Variants in ZHX2 observed in about 807,000 individuals in gnomAD.
The protein encoded by ZHX2 is zinc fingers and homeoboxes protein 2.
Under a neutral mutation model 21.9 loss-of-function variants are expected in ZHX2, and 6 were observed. That is an observed-to-expected ratio of 0.27 (90% confidence interval 0.15 to 0.54). The LOEUF (loss-of-function observed/expected upper bound fraction) is 0.54. Ranked by LOEUF, ZHX2 falls within the 20% of genes least tolerant of loss-of-function variation. ZHX2 has a pLI of 0.95. For synonymous variants in ZHX2, 434 were observed against 437.1 expected (o/e 0.99, Z 0.09); for missense variants, 908 against 1,090.7 (o/e 0.83, Z 2.36).
intron 2 of ZHX2, among the ~76,000 whole-genome samples, chr8:122,922,469 G>A (rs1175391666): frequency 6.6e-6 from 1 of 152,184 alleles, no homozygotes; most frequent in Non-Finnish European, 1.5e-5. Flanking sequence ...CATTTTCATA[G>A]CCATTGCTCC....
rs1029854685 is a variant in ZHX2, at chr8:122,782,451, G to T, written c.-283+505G>T. Among the ~76,000 whole-genome samples the T allele has an allele frequency of 4.6e-5, 7 of 152,110 alleles. No individual in the cohort carries two copies. The highest frequency in any genetic ancestry group is 1.7e-4 in the African/African-American group (7 of 41,424). ...GGTCCCGCGGGGACTCCACCGGGAC[G>T]TGGCCCCGTCTCCGCGCGTTTTGGC... On this transcript the variant is annotated intron_variant, in intron 1 of 3. Transcript: ENST00000314393. This position sits in a 1 kb window ranked among gnomAD's most constrained non-coding sequence, Gnocchi z 5.3.
chr8:122,911,188 T>G, intron 2 of ZHX2, among the ~76,000 whole-genome samples: 1 of 151,802 alleles, frequency 6.6e-6, no homozygotes, highest in East Asian at 1.9e-4. Flanking sequence ...AGCCCCGTAG[T>G]CCTGTTGGGC....
chr8:122,891,839 T>C (rs550394032), intron 2 of ZHX2, among the ~76,000 whole-genome samples: 1 of 152,352 alleles, frequency 6.6e-6, no homozygotes, highest in Non-Finnish European at 1.5e-5. Context: ...TGTGGCCTAA[T>C]GTATGGTCTA....
At chr8:122,923,301 G>A (rs1039478471) in intron 2 of ZHX2, among the ~76,000 whole-genome samples, 1 of 152,204 alleles carries the variant, frequency 6.6e-6, no homozygotes, top group Non-Finnish European at 1.5e-5. Context: ...AGTGAGATGG[G>A]CCTAGAGCAG....
In ZHX2 at chr8:122,830,104, G is replaced by A. The variant is rs188898382; in HGVS notation, c.-282-33373G>A. 4.6e-3 allele frequency among the ~76,000 whole-genome samples: 704 copies of A among 152,350 alleles called. 1 individual carries two copies. Among genetic ancestry groups the A allele is most frequent in the Middle Eastern group, 6.8e-3 (2 of 294 alleles). ...CCTGAGCGTGTGCCGACAGACAACA[G>A]GAGGCGGTGTGGAGCAACTTGCTGT... On this transcript the variant is annotated intron_variant, in intron 1 of 3. Coordinates refer to ENST00000314393, the MANE Select transcript of ZHX2 (RefSeq NM_014943.5).
chr8:122,965,495 C>G (rs1291567151), intron 3 of ZHX2, among the ~76,000 whole-genome samples: 1 of 152,014 alleles, frequency 6.6e-6, no homozygotes, highest in Admixed American at 6.5e-5. Context: ...AATGTTATTC[C>G]ACTGTAGTCT....
chr8:122,925,897 A>AT, intron 2 of ZHX2, among the ~76,000 whole-genome samples: 1 of 152,312 alleles, frequency 6.6e-6, no homozygotes, highest in East Asian at 1.9e-4. Flanking sequence ...TTGGGAGGCC[A>AT]TTGTGACTGC....
At chr8:122,912,427 G>A (rs1325334517) in intron 2 of ZHX2, among the ~76,000 whole-genome samples, 3 of 152,158 alleles carry the variant, frequency 2.0e-5, no homozygotes, top group African/African-American at 4.8e-5. Context: ...TCTATGTGAC[G>A]CCTTGGCCAT....
intron 1 of ZHX2, among the ~76,000 whole-genome samples, chr8:122,851,002 C>T (rs1056531344): frequency 1.2e-4 from 19 of 152,040 alleles, no homozygotes; most frequent in Admixed American, 8.5e-4. Context: ...GTGTTCTCAG[C>T]CTAGAACACT....
At chr8:122,891,777 G>T (rs2129870024) in intron 2 of ZHX2, among the ~76,000 whole-genome samples, 1 of 152,266 alleles carries the variant, frequency 6.6e-6, no homozygotes. Context: ...CCATTGTGGT[G>T]TGAGAACATA....
At chr8:122,837,093 T>A (rs946758682) in intron 1 of ZHX2, among the ~76,000 whole-genome samples, 2 of 152,084 alleles carry the variant, frequency 1.3e-5, no homozygotes, top group South Asian at 4.2e-4. Flanking sequence ...CATGGCAACG[T>A]CAGGAAGGTA....
At chr8:122,961,592 C>T (rs1249043712) in intron 3 of ZHX2, among the ~76,000 whole-genome samples, 4 of 152,054 alleles carry the variant, frequency 2.6e-5, no homozygotes, top group East Asian at 3.9e-4. Context: ...ACGATCATGG[C>T]GGAAGGCGAA....
intron 2 of ZHX2, among the ~76,000 whole-genome samples, chr8:122,914,993 C>T (rs1400612720): frequency 2.0e-5 from 3 of 152,218 alleles, no homozygotes; most frequent in African/African-American, 4.8e-5. Context: ...ACAGCCATTA[C>T]AAGGCATGCT....
Position 122,893,467 on chromosome 8 carries a change from A to G in ZHX2, c.-220+29928A>G, listed in dbSNP as rs150072916. Among the ~76,000 whole-genome samples, 1,155 of 152,206 alleles carry G rather than the reference A, an allele frequency of 7.6e-3. 13 individuals carry two copies. Among genetic ancestry groups the G allele is most frequent in the African/African-American group, 0.026 (1,083 of 41,526 alleles). Reference sequence around the variant, plus strand: ...CCCTATACTGTGAATATTTCACTTTATAGTATCCTATAGGCCCTGTAGGCT... The same window carrying G: ...CCCTATACTGTGAATATTTCACTTTGTAGTATCCTATAGGCCCTGTAGGCT... On this transcript the variant is annotated intron_variant, in intron 2 of 3. Coordinates refer to ENST00000314393, the MANE Select transcript of ZHX2 (RefSeq NM_014943.5).
At chr8:122,790,396 T>C (rs550481941) in intron 1 of ZHX2, among the ~76,000 whole-genome samples, 38 of 152,262 alleles carry the variant, frequency 2.5e-4, no homozygotes, top group African/African-American at 8.9e-4. Flanking sequence ...CCGCTTTGAT[T>C]CCTCTTTCCA....
chr8:122,871,795 A>G (rs935623741), intron 2 of ZHX2, among the ~76,000 whole-genome samples: 12 of 151,132 alleles, frequency 7.9e-5, no homozygotes, highest in African/African-American at 2.7e-4. Context: ...TTTCCATTAC[A>G]TTAGTACTAG....
rs186298666 is a variant in ZHX2 at position 122,899,844 on chromosome 8, G to A, written c.-220+36305G>A. 2.9e-4 allele frequency among the ~76,000 whole-genome samples: 44 copies of A among 152,352 alleles called. 1 individual carries two copies. In the East Asian group the frequency reaches 6.9e-3, roughly 24 times the overall value. On this transcript the variant is annotated intron_variant, in intron 2 of 3. Transcript: ENST00000314393. Reference sequence around the variant, plus strand: ...GGAGGGAAAAGCCAAAAATAAAGTGGTGTTAGCTAATACAAGCATGCTCAT... The same window carrying A: ...GGAGGGAAAAGCCAAAAATAAAGTGATGTTAGCTAATACAAGCATGCTCAT...
At chr8:122,921,341 C>T (rs1270252329) in intron 2 of ZHX2, among the ~76,000 whole-genome samples, 1 of 152,138 alleles carries the variant, frequency 6.6e-6, no homozygotes, top group Admixed American at 6.6e-5. Context: ...ACCTCGGCCT[C>T]CCAAAGTGCT....
At chr8:122,934,860 G>A (rs1812640313) in intron 2 of ZHX2, among the ~76,000 whole-genome samples, 1 of 152,074 alleles carries the variant, frequency 6.6e-6, no homozygotes, top group Admixed American at 6.6e-5. Flanking sequence ...GGCTAATTTT[G>A]TATTTTTAGT....
Sources: allele counts gnomAD v4.1 joint callset (sites outside exome capture counted in the v4.1 genomes callset), GRCh38; gene constraint gnomAD v4.1.1; non-coding constraint Gnocchi (gnomAD v3.1); transcripts MANE v1.5; gene names NCBI Gene and HGNC (gene_info 2026-07-23, HGNC 2026-07-21).